The following PTGER3 variants were observed in gnomAD, a reference collection of about 807,000 sequenced individuals.
The protein encoded by PTGER3 is prostaglandin E receptor 3, also known as prostaglandin E2 receptor EP3 subtype.
A neutral mutation model predicts 34.7 loss-of-function variants in PTGER3; 22 were observed. The ratio of observed to expected loss-of-function variants is 0.63; its 90% CI spans 0.45 to 0.91. PTGER3 has a LOEUF of 0.91. Ranked by LOEUF, PTGER3 falls within the 40% of genes least tolerant of loss-of-function variation. PTGER3 has a pLI of 0.00. For synonymous variants in PTGER3, 241 were observed against 230.1 expected (o/e 1.05, Z -0.43); for missense variants, 468 against 519.4 (o/e 0.90, Z 0.96).
At chr1:71,045,352 A>G (rs1375527491) in intron 1 of PTGER3, among the ~76,000 whole-genome samples, 1 of 152,218 alleles carries the variant, frequency 6.6e-6, no homozygotes, top group Non-Finnish European at 1.5e-5. Flanking sequence ...ATTGTATGTA[A>G]TATATTTTAC....
In PTGER3 at chr1:71,047,081, G is replaced by A. The variant is rs773855786; in HGVS notation, c.497C>T (p.Ala166Val). 1.2e-6 allele frequency: 2 copies of A among 1,609,526 alleles called. No individual in the cohort carries two copies. The highest frequency in any genetic ancestry group is 2.2e-5 in the East Asian group (1 of 44,702). ...GGTGGCACGCGTCTTCATGTGGCTC[G>A]CATACCAGTGCGGCGCCCTGATGGC... Reference protein sequence around the residue: ...ALAIRAPHWYASHMKTRATRA... With the variant: ...ALAIRAPHWYVSHMKTRATRA... The change falls in exon 1 of 4, where the codon GCG becomes GTG. Residue 166 changes from alanine (A) to valine (V), a missense_variant. Coordinates refer to ENST00000306666, the MANE Select transcript of PTGER3 (RefSeq NM_198719.2).
In PTGER3 at chr1:70,930,626, T is replaced by TTTGC. The variant is rs1648594041; in HGVS notation, c.*23+23136_*23+23137insGCAA. On this transcript the variant is annotated intron_variant, in intron 4 of 4. Transcript: ENST00000370931. ...ATCACAATGGGAGGCAAAAGGCACT[T>TTTGC]CTTACATGGCAGTGGCAAGAGAAAA... Among the ~76,000 whole-genome samples the TTTGC allele has an allele frequency of 3.3e-5, 5 of 152,200 alleles. No homozygotes were observed. In the South Asian group the frequency reaches 1.0e-3, roughly 32 times the overall value.
intron 4 of PTGER3, among the ~76,000 whole-genome samples, chr1:70,941,399 A>C (rs1254985110): frequency 1.3e-5 from 2 of 152,170 alleles, no homozygotes; most frequent in Non-Finnish European, 2.9e-5. Context: ...TTCTTATGTC[A>C]TTATATAAAT....
chr1:70,944,907 A>C (rs544807544), intron 4 of PTGER3, among the ~76,000 whole-genome samples: 1 of 152,216 alleles, frequency 6.6e-6, no homozygotes, highest in Admixed American at 6.6e-5. Context: ...CCAAAGGCCA[A>C]ATCATAAGTA....
chr1:70,864,258 T>C (rs770083896), intron 4 of PTGER3, among the ~76,000 whole-genome samples: 4 of 152,166 alleles, frequency 2.6e-5, no homozygotes, highest in Non-Finnish European at 4.4e-5. Flanking sequence ...TCCTATTATA[T>C]ATATCACTCT....
intron 1 of PTGER3, among the ~76,000 whole-genome samples, chr1:71,022,132 C>T (rs1039745679): frequency 2.6e-5 from 4 of 151,776 alleles, no homozygotes; most frequent in Non-Finnish European, 4.4e-5. Context: ...AATACACATG[C>T]TATTTTTTAC....
chr1:70,894,104 T>G (rs917609237), intron 4 of PTGER3, among the ~76,000 whole-genome samples: 1 of 152,082 alleles, frequency 6.6e-6, no homozygotes, highest in African/African-American at 2.4e-5. Context: ...ATTCAGGATT[T>G]CTAGACCAGC....
chr1:70,863,555 C>A (rs1348982277), intron 4 of PTGER3, among the ~76,000 whole-genome samples: 1 of 152,186 alleles, frequency 6.6e-6, no homozygotes, highest in Non-Finnish European at 1.5e-5. Flanking sequence ...ATGTTTTCAA[C>A]CCTGGGTCAA....
In PTGER3 at chr1:71,047,296, C is replaced by G. The variant is rs758968293; in HGVS notation, c.282G>C (p.Trp94Cys). Residue 94 changes from tryptophan to cysteine, a missense_variant, in exon 1 of 4, where the codon TGG becomes TGC. This residue lies in a region of PTGER3 where 151 missense variants were observed against 133.5 expected (regional missense o/e 1.13). Coordinates refer to ENST00000306666, the MANE Select transcript of PTGER3 (RefSeq NM_198719.2). The stretch of plus-strand genomic sequence containing the variant: ...GCCCGACCAGGTCGGTGAGCGCCAG[C>G]CAGCCGATGCACAGCAGGAAGGACT... ...RKKSFLLCIGWLALTDLVGQL... is the reference protein window; with the variant it reads ...RKKSFLLCIGCLALTDLVGQL... 27 of 1,602,074 alleles carry G rather than the reference C, an allele frequency of 1.7e-5. No individual in the cohort carries two copies. Among genetic ancestry groups the G allele is most frequent in the Middle Eastern group, 1.6e-4 (1 of 6,074 alleles).
rs772414041 is a variant in PTGER3, at chr1:71,046,999, C to G, written c.579G>C (p.Val193=). The change falls in exon 1 of 4, where the codon GTG becomes GTC. Residue 193 remains valine (V), a synonymous_variant. Transcript: ENST00000306666. ...LAVLAFALLP[V]LGVGQYTVQW... The stretch of plus-strand genomic sequence containing the variant: ...GGACGGTGTACTGGCCCACGCCCAG[C>G]ACCGGCAGCAGGGCGAAGGCGAGCA... 8 of 1,611,330 alleles carry G rather than the reference C, an allele frequency of 5.0e-6. No individual in the cohort carries two copies. The Admixed American group carries it at 8.3e-5, about 17-fold the overall frequency.
At chr1:71,029,349 T>G (rs1008815888) in intron 1 of PTGER3, among the ~76,000 whole-genome samples, 34 of 152,180 alleles carry the variant, frequency 2.2e-4, no homozygotes, top group African/African-American at 8.2e-4. Flanking sequence ...TAGTGGTTAA[T>G]TACATAGGCA....
intron 4 of PTGER3, among the ~76,000 whole-genome samples, chr1:70,883,791 G>A (rs752568089): frequency 2.6e-5 from 4 of 152,158 alleles, no homozygotes; most frequent in Non-Finnish European, 4.4e-5. Context: ...GGCCAGGCAC[G>A]TTGGCTCATG....
At chr1:71,042,548 T>C (rs1660406840) in intron 1 of PTGER3, among the ~76,000 whole-genome samples, 4 of 152,094 alleles carry the variant, frequency 2.6e-5, no homozygotes, top group Admixed American at 6.6e-5. Flanking sequence ...AAGAGAAAAA[T>C]TATAGAATAT....
intron 4 of PTGER3, among the ~76,000 whole-genome samples, chr1:70,932,972 G>A (rs532698869): frequency 6.6e-6 from 1 of 152,038 alleles, no homozygotes; most frequent in East Asian, 1.9e-4. Context: ...AGAGTCAGGG[G>A]TTCTCTCAGT....
At chr1:70,861,559 T>A (rs1645927718) in intron 4 of PTGER3, among the ~76,000 whole-genome samples, 1 of 152,162 alleles carries the variant, frequency 6.6e-6, no homozygotes, top group Non-Finnish European at 1.5e-5. Context: ...AACATTCACA[T>A]TTTACTCCAT....
At chr1:70,951,318 A>G (rs1650741625), downstream of PTGER3, 1 of 152,238 alleles carries the variant, frequency 6.6e-6, no homozygotes, top group African/African-American at 2.4e-5. Context: ...GAAAGAAATC[A>G]TAAGAAACAA....
At chr1:70,925,466 C>T (rs529741355) in intron 4 of PTGER3, among the ~76,000 whole-genome samples, 2 of 152,238 alleles carry the variant, frequency 1.3e-5, no homozygotes, top group African/African-American at 4.8e-5. Context: ...AGATGATATA[C>T]AATATTATCC....
At chr1:70,980,432 G>T (rs1279105561) in intron 2 of PTGER3, among the ~76,000 whole-genome samples, 1 of 152,010 alleles carries the variant, frequency 6.6e-6, no homozygotes, top group Admixed American at 6.6e-5. Flanking sequence ...GGTGGAATGG[G>T]AATAAAGGTT....
chr1:70,875,947 A>C (rs752906886), intron 4 of PTGER3, among the ~76,000 whole-genome samples: 22 of 152,190 alleles, frequency 1.4e-4, no homozygotes, highest in Non-Finnish European at 2.9e-4. Flanking sequence ...TCCTTTGGGC[A>C]CATACTCAAT....
Sources: allele counts gnomAD v4.1 joint callset (sites outside exome capture counted in the v4.1 genomes callset), GRCh38; gene constraint gnomAD v4.1.1; regional missense constraint gnomAD v4.1.1; transcripts MANE v1.5; gene names NCBI Gene and HGNC (gene_info 2026-07-23, HGNC 2026-07-21).